The following ARHGAP26 variants were observed in gnomAD, a reference collection of about 807,000 sequenced individuals.
ARHGAP26 encodes the protein rho GTPase-activating protein 26.
ARHGAP26 carries 38 observed loss-of-function variants against 104.8 expected under a neutral mutation model. That is an observed-to-expected ratio of 0.36 (90% CI 0.28 to 0.48). The LOEUF is 0.48. ARHGAP26 is among the 20% of genes least tolerant of loss of function. The pLI, the probability that ARHGAP26 is intolerant of heterozygous loss-of-function variation, is 0.99. For synonymous variants in ARHGAP26, 341 were observed against 340.0 expected, an observed-to-expected ratio of 1.00 and a Z score of -0.03; for missense variants, 704 against 947.9, an observed-to-expected ratio of 0.74 and a Z score of 3.38.
chr5:142,995,019 A>G (rs1776186923), intron 11 of ARHGAP26, among the ~76,000 whole-genome samples: 1 of 152,250 alleles, frequency 6.6e-6, no homozygotes, highest in Non-Finnish European at 1.5e-5. Flanking sequence ...TTAACTCCAG[A>G]TGGATTAAAG....
intron 1 of ARHGAP26, among the ~76,000 whole-genome samples, chr5:142,846,336 G>C (rs1771939117): frequency 6.6e-6 from 1 of 152,182 alleles, no homozygotes; most frequent in Admixed American, 6.5e-5. Context: ...CGGGTGAGGA[G>C]GAGTCACCAG....
intron 11 of ARHGAP26, among the ~76,000 whole-genome samples, chr5:142,944,858 G>A (rs530422359): frequency 6.6e-6 from 1 of 152,104 alleles, no homozygotes; most frequent in Non-Finnish European, 1.5e-5. Context: ...TTTCGCTTGT[G>A]TTCTTTCCTT....
intron 1 of ARHGAP26, among the ~76,000 whole-genome samples, chr5:142,804,083 C>T (rs1400699631): frequency 8.5e-5 from 13 of 152,258 alleles, no homozygotes. Context: ...AGCCTGCAGC[C>T]GTAAAGTCAG....
chr5:143,138,038 C>T (rs182601890), intron 19 of ARHGAP26, among the ~76,000 whole-genome samples: 118 of 152,336 alleles, frequency 7.7e-4, no homozygotes, highest in Non-Finnish European at 1.2e-3. Context: ...TCTTATTTGC[C>T]AGAAGGGGTT....
chr5:142,876,772 G>T (rs1005126675), intron 3 of ARHGAP26, among the ~76,000 whole-genome samples: 2 of 93,202 alleles, frequency 2.1e-5, no homozygotes, highest in African/African-American at 1.1e-4. Flanking sequence ...GCAAGACCCT[G>T]TGTCAAAAAA....
chr5:142,877,295 G>C (rs26706), intron 3 of ARHGAP26, among the ~76,000 whole-genome samples: 67,756 of 152,030 alleles, frequency 0.45, 18,976 homozygotes, highest in East Asian at 0.86. Context: ...TCTGGGAAGC[G>C]TTTCCTGACT....
At chr5:143,031,708 C>G (rs930892270) in intron 12 of ARHGAP26, among the ~76,000 whole-genome samples, 2 of 151,962 alleles carry the variant, frequency 1.3e-5, no homozygotes, top group East Asian at 3.9e-4. Flanking sequence ...GTCTGTCTCC[C>G]TGGCCCACCA....
At chr5:142,828,580 G>A (rs185314234) in intron 1 of ARHGAP26, among the ~76,000 whole-genome samples, 1 of 152,236 alleles carries the variant, frequency 6.6e-6, no homozygotes, top group East Asian at 1.9e-4. Context: ...TCATTTTCCT[G>A]ACAATTAGTT....
chr5:142,949,874 A>G (rs1562138367), intron 11 of ARHGAP26, among the ~76,000 whole-genome samples: 3 of 152,244 alleles, frequency 2.0e-5, no homozygotes, highest in Non-Finnish European at 4.4e-5. Context: ...AGTTCATAGC[A>G]TTTATTAATT....
intron 6 of ARHGAP26, among the ~76,000 whole-genome samples, chr5:142,897,071 A>G (rs1598138270): frequency 1.3e-5 from 2 of 152,258 alleles, no homozygotes; most frequent in African/African-American, 2.4e-5. Flanking sequence ...CTGAAAACCC[A>G]GGTGCTGTGG....
intron 11 of ARHGAP26, among the ~76,000 whole-genome samples, chr5:142,982,325 G>A (rs934906648): frequency 2.6e-5 from 4 of 152,234 alleles, no homozygotes; most frequent in Admixed American, 2.6e-4. Context: ...TTTTTAATGA[G>A]AACAATCATT....
intron 22 of ARHGAP26, among the ~76,000 whole-genome samples, chr5:143,215,799 C>T (rs1051074143): frequency 1.3e-5 from 2 of 152,224 alleles, no homozygotes; most frequent in Non-Finnish European, 2.9e-5. Flanking sequence ...CATGTCAGAA[C>T]CTTCTTCCTT....
At chr5:142,790,149 A>G (rs1597627830) in intron 1 of ARHGAP26, among the ~76,000 whole-genome samples, 2 of 152,218 alleles carry the variant, frequency 1.3e-5, no homozygotes, top group East Asian at 3.8e-4. Flanking sequence ...CAAGTAAACA[A>G]GTGAGCAGGA....
intron 11 of ARHGAP26, among the ~76,000 whole-genome samples, chr5:142,985,502 C>T (rs1774567267): frequency 6.6e-6 from 1 of 152,122 alleles, no homozygotes; most frequent in African/African-American, 2.4e-5. Flanking sequence ...ACAGGAATAC[C>T]ACTTTTTATC....
chr5:142,810,842 A>G (rs954429898), intron 1 of ARHGAP26, among the ~76,000 whole-genome samples: 1 of 152,280 alleles, frequency 6.6e-6, no homozygotes, highest in Non-Finnish European at 1.5e-5. Flanking sequence ...AAGCGTTGAT[A>G]TGTAAACTCT....
At chr5:142,803,130 A>G (rs7724390) in intron 1 of ARHGAP26, among the ~76,000 whole-genome samples, 1,565 of 152,270 alleles carry the variant, frequency 0.01, 27 homozygotes, top group African/African-American at 0.035. Flanking sequence ...CTGAAAGTAC[A>G]TTGTGTCTTG....
At chr5:143,118,738 C>T (rs142052977) in intron 17 of ARHGAP26, among the ~76,000 whole-genome samples, 1 of 152,120 alleles carries the variant, frequency 6.6e-6, no homozygotes, top group East Asian at 1.9e-4. Context: ...TGCCACTGCA[C>T]TCCAGCCTGG....
chr5:143,049,786 C>T (rs1342494536), intron 14 of ARHGAP26, among the ~76,000 whole-genome samples: 4 of 152,150 alleles, frequency 2.6e-5, no homozygotes, highest in African/African-American at 9.7e-5. Flanking sequence ...TATAAGCCTG[C>T]ATTGATTTTT....
At chr5:142,935,522 A>C (rs1293552714) in intron 11 of ARHGAP26, among the ~76,000 whole-genome samples, 1 of 152,214 alleles carries the variant, frequency 6.6e-6, no homozygotes, top group African/African-American at 2.4e-5. Context: ...GATTTGGGTC[A>C]TGGGCCATAC....
Sources: allele counts gnomAD v4.1 joint callset (sites outside exome capture counted in the v4.1 genomes callset), GRCh38; gene constraint gnomAD v4.1.1; transcripts MANE v1.5; gene names NCBI Gene and HGNC (gene_info 2026-07-23, HGNC 2026-07-21).